PKD1: variants seen among roughly 807,000 people sequenced by gnomAD.
PKD1 encodes the protein polycystin-1.
PKD1 carries 81 observed loss-of-function variants against 361.7 expected under a neutral mutation model. The ratio of observed to expected loss-of-function variants is 0.22; its 90% CI spans 0.19 to 0.27. PKD1 has a LOEUF of 0.27. PKD1 is among the 10% of genes least tolerant of loss of function. The pLI is 1.00. For missense variants in PKD1, 6,399 were observed against 6,118.3 expected (o/e 1.05, Z -1.53); for synonymous variants, 3,615 against 2,818.3 (o/e 1.28, Z -8.95).
At chr16:2,097,843 C>T in intron 31 of PKD1, 25 bp downstream of exon 31, 1 of 1,608,328 alleles carries the variant, frequency 6.2e-7, no homozygotes, top group Non-Finnish European at 8.5e-7. Context: ...CCAGCCCAGC[C>T]CAGGACCCCC....
rs915752197 is a variant in PKD1 at position 2,090,993 on chromosome 16, C to T, written c.11894G>A (p.Arg3965His). 4.6e-6 allele frequency: 7 copies of T among 1,535,704 alleles called. No homozygotes were observed. Among genetic ancestry groups the T allele is most frequent in the Admixed American group, 2.0e-5 (1 of 51,020 alleles). The change falls in exon 43 of 46, where the codon CGT (arginine) becomes CAT (histidine). Residue 3965 changes from arginine to histidine, a missense_variant. Physicochemically the swap from Arg to His is conservative, Grantham distance 29 (BLOSUM62 0). Transcript: ENST00000262304. ...GCGGCGCGGGCGGCCGCGCACGAAA[C>T]GGGTCCACTGGCGGTCAGCGGCACC... ...QLGAADRQWT[R>H]FVRGRPRRFT...
In PKD1 at chr16:2,090,273, G is replaced by A. The variant is rs1372460874; in HGVS notation, c.12444+12C>T. Reference sequence around the variant, plus strand: ...GGGCGTGTCCCTCTCCCCCCCACTGGGCCGTACCCACCTCCTTGACCTTGC... The same window carrying A: ...GGGCGTGTCCCTCTCCCCCCCACTGAGCCGTACCCACCTCCTTGACCTTGC... On this transcript the variant is annotated intron_variant, in intron 45 of 45. Transcript: ENST00000262304. 1 of 1,608,666 alleles carries A rather than the reference G, an allele frequency of 6.2e-7. No individual in the cohort carries two copies. The highest frequency in any genetic ancestry group is 1.7e-5 in the Admixed American group (1 of 59,732).
chr16:2,112,732 C>T (rs542334447), intron 13 of PKD1, 56 bp downstream of exon 13: 1 of 1,561,746 alleles, frequency 6.4e-7, no homozygotes, highest in Admixed American at 1.7e-5. Flanking sequence ...TCGGCTGAGG[C>T]TGGGGCTGGG....
rs187398636 is a variant in PKD1, at chr16:2,099,294, A to G, written c.10050+350T>C. 5.5e-3 allele frequency: 2,024 copies of G among 370,350 alleles called. 96 individuals carry two copies. The Admixed American group carries it at 0.068, about 12-fold the overall frequency. The allele number at this position is 370,350 out of a possible 1,614,324, so 22.9% of individuals were successfully genotyped here. ...TGGGACGTTTCTAAGGGACTAACTC[A>G]GCCTCTTCACTTCCTATAGATGTAC... On this transcript the variant is annotated intron_variant, in intron 30 of 45. Transcript: ENST00000262304.
chr16:2,093,192 G>A (rs2855364), intron 37 of PKD1, 99 bp from the exon 38 acceptor site: 3 of 1,436,374 alleles, frequency 2.1e-6, no homozygotes, highest in East Asian at 2.3e-5. Context: ...AGGTGTGGCT[G>A]CAGGAAGGTG....
In PKD1 at chr16:2,097,350, G is replaced by C. The variant is rs915648864; in HGVS notation, c.10374C>G (p.Pro3458=). ...CTGAGAAGGATTTGGCAGGCGAGTA[G>C]GGGCTGGCCAGGGAGAAGCCGTCCT... ...PEEDGFSLAS[P]YSPAKSFSAS... The change falls in exon 33 of 46, where the codon CCC becomes CCG. Residue 3458 remains proline, a synonymous_variant. Coordinates refer to ENST00000262304, the MANE Select transcript of PKD1 (RefSeq NM_001009944.3). 1.2e-6 allele frequency: 2 copies of C among 1,612,570 alleles called. No homozygotes were observed. The highest frequency in any genetic ancestry group is 2.7e-5 in the African/African-American group (2 of 75,060).
In PKD1 at chr16:2,110,516, G is replaced by A. The variant is rs749203390; in HGVS notation, c.4651C>T (p.Leu1551Phe). The A allele has an allele frequency of 2.5e-6, 4 of 1,611,820 alleles. No homozygotes were observed. Among genetic ancestry groups the A allele is most frequent in the South Asian group, 1.1e-5 (1 of 91,052 alleles). The change falls in exon 15 of 46, where the codon CTC becomes TTC. Residue 1551 changes from leucine to phenylalanine, a missense_variant. Coordinates refer to ENST00000262304, the MANE Select transcript of PKD1 (RefSeq NM_001009944.3). The part of the protein sequence containing the change: ...NVTVKRRVRG[L>F]VVNASRTVVP... ...ACCGTGCGGCTTGCATTGACGACGAGCCCCCGCACGCGCCGCTTCACCGTC... is the reference window on the plus strand; with the variant it reads ...ACCGTGCGGCTTGCATTGACGACGAACCCCCGCACGCGCCGCTTCACCGTC...
chr16:2,099,983 C>A lies in PKD1; in HGVS notation c.9801G>T (p.Trp3267Cys). The A allele has an allele frequency of 1.3e-6, 2 of 1,563,896 alleles. No homozygotes were observed. Among genetic ancestry groups the A allele is most frequent in the Non-Finnish European group, 8.7e-7 (1 of 1,155,822 alleles). ...TGAAACGGCTACGAGGCGGCCGGTC[C>A]CATATGGAGAGCCAGATGTGCTTGT... Reference protein sequence around the residue: ...FFDKHIWLSIWDRPPRSRFTR... With the variant: ...FFDKHIWLSICDRPPRSRFTR... Residue 3267 changes from tryptophan to cysteine, a missense_variant, in exon 29 of 46, where the codon TGG becomes TGT. Transcript: ENST00000262304.
Position 2,114,356 on chromosome 16 carries a change from G to A in PKD1, c.2667C>T (p.Thr889=). 6.2e-7 allele frequency: 1 copy of A among 1,610,172 alleles called. No homozygotes were observed. Among genetic ancestry groups the A allele is most frequent in the South Asian group, 1.1e-5 (1 of 90,974 alleles). The change falls in exon 11 of 46, where the codon ACC becomes ACT. Residue 889 remains threonine (T), a synonymous_variant. Transcript: ENST00000262304. ...ATFVPGCPWE[T]NDTLFSVVAL... ...CTACCACTGAGAACAGGGTATCGTT[G>A]GTCTCCCAGGGGCAGCCGGGCACGA... is the stretch of plus-strand genomic sequence containing the variant.
rs970706680 is a variant in PKD1, at chr16:2,135,776, T to C, written c.-87A>G. On this transcript the variant is annotated 5_prime_UTR_variant, in exon 1 of 46. An upstream start codon of the reference 5' UTR is lost. Coordinates refer to ENST00000262304, the MANE Select transcript of PKD1 (RefSeq NM_001009944.3). ...GCTCAGGCGGGGCCCGCGGACGGCA[T>C]GGCGGGCGCGGGGCTGGATGGGGCT... 1.3e-5 allele frequency: 12 copies of C among 911,150 alleles called. No homozygotes were observed. The East Asian group carries it at 8.6e-4, about 65-fold the overall frequency. 56.4% of individuals were successfully genotyped at this position (911,150 alleles called of 1,614,324 possible).
Position 2,088,894 on chromosome 16 carries a change from C to CAT in PKD1, c.*832_*833insAT. On this transcript the variant is annotated 3_prime_UTR_variant, in exon 46 of 46. Coordinates refer to ENST00000262304, the MANE Select transcript of PKD1 (RefSeq NM_001009944.3). ...GCGTGCGCGCGCGCACACACACACA[C>CAT]ACACAGTCACCTTCCTCCACCCTGG... 2.3e-6 allele frequency: 1 copy of CAT among 432,292 alleles called. No homozygotes were observed. The highest frequency in any genetic ancestry group is 3.9e-5 in the Admixed American group (1 of 25,746). 26.8% of individuals were successfully genotyped at this position (432,292 alleles called of 1,614,324 possible). A position where few individuals can be genotyped will look rare whatever the true frequency, so the allele number is the denominator to read the frequency against.
At chr16:2,123,784 C>A (rs2092758142) in intron 1 of PKD1, among the ~76,000 whole-genome samples, 1 of 152,210 alleles carries the variant, frequency 6.6e-6, no homozygotes, top group Non-Finnish European at 1.5e-5. Flanking sequence ...ACGCACTCCT[C>A]ACCCCAGTTC....
intron 21 of PKD1, 74 bp downstream of exon 21, chr16:2,105,248 C>G: frequency 6.7e-7 from 1 of 1,500,370 alleles, no homozygotes; most frequent in Non-Finnish European, 9.0e-7. Flanking sequence ...CCAAGCTGCC[C>G]GTCTGCCCTG....
intron 36 of PKD1, 28 bp from the exon 37 acceptor site, chr16:2,093,766 C>T: frequency 6.4e-7 from 1 of 1,563,666 alleles, no homozygotes; most frequent in Non-Finnish European, 8.7e-7. Context: ...TCAGAGGGGT[C>T]CCCCGTGATG....
At chr16:2,126,143 T>C (rs1444416319) in intron 1 of PKD1, among the ~76,000 whole-genome samples, 3 of 152,290 alleles carry the variant, frequency 2.0e-5, no homozygotes, top group Admixed American at 6.5e-5. Flanking sequence ...CCAATGATGG[T>C]ACGAGCCATC....
In PKD1 at chr16:2,128,808, G is replaced by A. The variant is rs540364940; in HGVS notation, c.215+6667C>T. ...CGACCTCTGCCTCCCAGGTTCAAGC[G>A]ATTCTCCTGCCTCAGCCCCCAAAGT... On this transcript the variant is annotated intron_variant, in intron 1 of 45. Transcript: ENST00000262304. 8.5e-4 allele frequency among the ~76,000 whole-genome samples: 130 copies of A among 152,066 alleles called. 1 individual carries two copies. The highest frequency in any genetic ancestry group is 7.1e-3 in the South Asian group (34 of 4,804).
At chr16:2,121,053 G>C (rs991620898) in intron 1 of PKD1, among the ~76,000 whole-genome samples, 2 of 151,856 alleles carry the variant, frequency 1.3e-5, no homozygotes, top group Non-Finnish European at 2.9e-5. Flanking sequence ...AAGAAAGGGA[G>C]GAGAGAGAGA....
At position 2,090,006 on chromosome 16, in the gene PKD1, C is replaced by T. The variant is rs1228848854; in HGVS notation, c.12633G>A (p.Glu4211=). The change falls in exon 46 of 46, where the codon GAG becomes GAA. Residue 4211 remains glutamate (E), a synonymous_variant. Coordinates refer to ENST00000262304, the MANE Select transcript of PKD1 (RefSeq NM_001009944.3). ...LGRLGTRCEP[E]PSRLQAVFEA... is the part of the protein sequence containing the mutation. The stretch of plus-strand genomic sequence containing the variant: ...CGAACACGGCTTGGAGGCGGGAGGG[C>T]TCAGGCTCACACCTTGTCCCCAGCC... The T allele has an allele frequency of 6.2e-7, 1 of 1,609,800 alleles. No individual in the cohort carries two copies. The highest frequency in any genetic ancestry group is 1.7e-4 in the Middle Eastern group (1 of 6,048).
Position 2,116,909 on chromosome 16 carries a change from C to T in PKD1, c.1530G>A (p.Arg510=), listed in dbSNP as rs1380141267. ...TGTTACACCACCCGGTGGGCCCGAG[C>T]CGGACGCAGTGCTCGGCTGTGGCTG... ...PHPATAEHCV[R]LGPTGWCNTD... is the part of the protein sequence containing the mutation. The change falls in exon 7 of 46, where the codon CGG becomes CGA. Residue 510 remains arginine, a synonymous_variant. Coordinates refer to ENST00000262304, the MANE Select transcript of PKD1 (RefSeq NM_001009944.3). 3 of 1,520,238 alleles carry T rather than the reference C, an allele frequency of 2.0e-6. No individual in the cohort carries two copies. The highest frequency in any genetic ancestry group is 1.4e-5 in the African/African-American group (1 of 72,972). The allele number at this position is 1,520,238 out of a possible 1,614,324, so 94.2% of individuals were successfully genotyped here. A position where few individuals can be genotyped will look rare whatever the true frequency, so the allele number is the denominator to read the frequency against.
Sources: gnomAD v4.1 joint callset for allele counts (sites outside exome capture counted in the v4.1 genomes callset) on GRCh38, gnomAD v4.1.1 for gene constraint, MANE v1.5 for transcripts, NCBI Gene and HGNC (gene_info 2026-07-23, HGNC 2026-07-21) for gene names.